The following DMD variants were observed in gnomAD, a reference collection of about 807,000 sequenced individuals.
DMD encodes mutant dystrophin.
Under a neutral mutation model 330.1 loss-of-function variants are expected in DMD, and 63 were observed. The observed-to-expected ratio is 0.19, with a 90% CI of 0.16 to 0.24. DMD has a LOEUF of 0.24. DMD is among the 10% of genes least tolerant of loss of function. The pLI is 1.00. For missense variants in DMD, 3,344 were observed against 2,684.1 expected (o/e 1.25, Z -5.43); for synonymous variants, 1,223 against 959.8 (o/e 1.27, Z -5.07).
intron 13 of DMD, among the ~76,000 whole-genome samples, chrX:32,585,431 G>A (rs1472713534): frequency 9.0e-6 from 1 of 111,052 alleles, no homozygotes; most frequent in Non-Finnish European, 1.9e-5. Flanking sequence ...GCCGGGCGTG[G>A]TGGCTCACGC....
intron 2 of DMD, among the ~76,000 whole-genome samples, chrX:33,018,328 T>G (rs1206635793): frequency 9.0e-6 from 1 of 111,421 alleles, no homozygotes; most frequent in Non-Finnish European, 1.9e-5. Flanking sequence ...ATGCAAATAT[T>G]TTGGAAGAAA....
intron 2 of DMD, among the ~76,000 whole-genome samples, chrX:32,854,619 G>A (rs1442817690): frequency 1.9e-5 from 2 of 104,669 alleles, no homozygotes; most frequent in African/African-American, 7.0e-5. Context: ...AACTAGAATA[G>A]CAAACCAAAC....
rs1557261215 is a variant in DMD at position 33,097,629 on chromosome X, T to TC, written c.32-77430_32-77429insG. Among the ~76,000 whole-genome samples the TC allele has an allele frequency of 3.0e-5, 3 of 99,076 alleles. No homozygotes were observed. In the East Asian group the frequency reaches 9.5e-4, roughly 31 times the overall value. The allele number at this position is 99,076 out of a possible 115,157, so 86.0% of individuals were successfully genotyped here. A position where few individuals can be genotyped will look rare whatever the true frequency, so the allele number is the denominator to read the frequency against. On this transcript the variant is annotated intron_variant, in intron 1 of 78. Transcript: ENST00000357033. ...ACTCTTTTTTTTTTTTTTTTTTTTT[T>TC]GAGACAGAGTCTCACTCACTCTGTC...
intron 44 of DMD, among the ~76,000 whole-genome samples, chrX:32,097,842 G>T (rs1302137819): frequency 9.0e-6 from 1 of 111,659 alleles, no homozygotes; most frequent in African/African-American, 3.3e-5. Flanking sequence ...GCTGAAGCTA[G>T]GGCTTGAACA....
chrX:32,581,248 T>A (rs1253455741), intron 13 of DMD, among the ~76,000 whole-genome samples: 1 of 112,269 alleles, frequency 8.9e-6, no homozygotes, highest in African/African-American at 3.2e-5. Context: ...CGTACATACC[T>A]AATAAAATGC....
intron 9 of DMD, among the ~76,000 whole-genome samples, chrX:32,657,438 T>C (rs1247447295): frequency 8.9e-6 from 1 of 112,371 alleles, no homozygotes; most frequent in Non-Finnish European, 1.9e-5. Context: ...TAGTGATTTC[T>C]TTGTTCTTAC....
At chrX:31,754,489 G>A (rs1261120817) in intron 51 of DMD, among the ~76,000 whole-genome samples, 1 of 110,799 alleles carries the variant, frequency 9.0e-6, no homozygotes, top group Non-Finnish European at 1.9e-5. Flanking sequence ...AAGAGAGAGA[G>A]AGAGACACTG....
In DMD at chrX:32,565,828, T is replaced by C; in HGVS notation, c.1866A>G (p.Ser622=). The C allele has an allele frequency of 2.5e-6, 3 of 1,211,446 alleles. No homozygotes were observed. The highest frequency in any genetic ancestry group is 3.4e-6 in the Non-Finnish European group (3 of 895,196). Residue 622 remains serine (S), a synonymous_variant, in exon 16 of 79, where the codon TCA becomes TCG. Transcript: ENST00000357033. ...GTGTTGAAAGAAGATCTTGTTTGAGTGAATACAGTTTGCCCATGGATTGCT... is the reference window on the plus strand; with the variant it reads ...GTGTTGAAAGAAGATCTTGTTTGAGCGAATACAGTTTGCCCATGGATTGCT... ...KKKQSMGKLY[S]LKQDLLSTLK... is the part of the protein sequence containing the mutation.
At chrX:32,343,538 A>G (rs1474726223) in intron 39 of DMD, among the ~76,000 whole-genome samples, 2 of 111,976 alleles carry the variant, frequency 1.8e-5, no homozygotes, top group Non-Finnish European at 3.8e-5. Context: ...ACTTGCTTAA[A>G]AATTTTGTCA....
chrX:32,786,503 C>G lies in DMD; in HGVS notation c.649+22990G>C, dbSNP rs781609485. Among the ~76,000 whole-genome samples, 15 of 111,190 alleles carry G rather than the reference C, an allele frequency of 1.3e-4. No individual in the cohort carries two copies. The East Asian group carries it at 4.2e-3, about 31-fold the overall frequency. ...CATACTTGCAAGATTTGTAAACATC[C>G]TTCTACTTTAATTATTTAATGATTC... is the stretch of plus-strand genomic sequence containing the variant. On this transcript the variant is annotated intron_variant, in intron 7 of 78. Transcript: ENST00000357033.
intron 18 of DMD, among the ~76,000 whole-genome samples, chrX:32,507,979 G>A (rs2044806289): frequency 9.1e-6 from 1 of 109,717 alleles, no homozygotes; most frequent in Non-Finnish European, 1.9e-5. Flanking sequence ...GTATTTCAAT[G>A]GATATTATTC....
At chrX:32,409,956 A>G (rs2098134882) in intron 30 of DMD, among the ~76,000 whole-genome samples, 1 of 111,802 alleles carries the variant, frequency 8.9e-6, no homozygotes, top group African/African-American at 3.2e-5. Context: ...GTAAGAAAAT[A>G]TTACATAAAT....
At chrX:32,333,689 C>A (rs1474747034) in intron 41 of DMD, among the ~76,000 whole-genome samples, 1 of 111,241 alleles carries the variant, frequency 9.0e-6, no homozygotes, top group East Asian at 2.8e-4. Flanking sequence ...AATGCCTCTT[C>A]TCCATTGTGG....
chrX:31,461,288 A>G (rs1196373085), intron 59 of DMD, among the ~76,000 whole-genome samples: 1 of 112,252 alleles, frequency 8.9e-6, no homozygotes, highest in East Asian at 2.8e-4. Context: ...ACTATGGAAT[A>G]TTGGTTCTCA....
At chrX:33,035,402 A>G (rs1190769367) in intron 1 of DMD, among the ~76,000 whole-genome samples, 2 of 111,207 alleles carry the variant, frequency 1.8e-5, no homozygotes, top group Non-Finnish European at 3.8e-5. Flanking sequence ...ATTCTCTTAG[A>G]TATTACTCTT....
intron 47 of DMD, among the ~76,000 whole-genome samples, chrX:31,913,760 A>G (rs1012133472): frequency 9.2e-6 from 1 of 109,192 alleles, no homozygotes; most frequent in African/African-American, 3.4e-5. Flanking sequence ...AAAACAAAAC[A>G]AAACAAAAAC....
chrX:32,349,542 C>T (rs1281835724), intron 37 of DMD, among the ~76,000 whole-genome samples: 1 of 111,479 alleles, frequency 9.0e-6, no homozygotes, highest in Non-Finnish European at 1.9e-5. Context: ...TTGGTCCCCA[C>T]CTACCCTTCT....
At chrX:33,158,870 C>A (rs56137138) in intron 1 of DMD, among the ~76,000 whole-genome samples, 6,409 of 111,826 alleles carry the variant, frequency 0.057, 189 homozygotes, top group South Asian at 0.2. Flanking sequence ...ATCAATCAAA[C>A]TGACATTTTA....
In DMD at chrX:32,321,771, C is replaced by T. The variant is rs184476990; in HGVS notation, c.5923-11495G>A. On this transcript the variant is annotated intron_variant, in intron 41 of 78. Coordinates refer to ENST00000357033, the MANE Select transcript of DMD (RefSeq NM_004006.3). ...CATTTGCGCCAAGACATTTTACATT[C>T]TTTGACTTAGGCATGAGAGAAAATA... Among the ~76,000 whole-genome samples the T allele has an allele frequency of 4.4e-3, 488 of 111,873 alleles. 2 individuals are homozygous for T. Among genetic ancestry groups the T allele is most frequent in the Non-Finnish European group, 6.6e-3 (349 of 53,163 alleles).
Sources: allele counts gnomAD v4.1 joint callset (sites outside exome capture counted in the v4.1 genomes callset), GRCh38; gene constraint gnomAD v4.1.1; transcripts MANE v1.5; gene names NCBI Gene and HGNC (gene_info 2026-07-23, HGNC 2026-07-21).